LPAR3: variants seen among roughly 807,000 people sequenced by gnomAD.
LPAR3 encodes lysophosphatidic acid receptor 3, also known as LPA receptor 3.
In LPAR3, 7 loss-of-function variants were observed where a neutral mutation model predicts 17.8. The observed-to-expected ratio is 0.39, with a 90% CI of 0.22 to 0.74. LPAR3 has a LOEUF of 0.74. Among genes scored for constraint, LPAR3 ranks in the 30% least tolerant of loss-of-function variants. LPAR3 has a pLI of 0.40. For missense variants in LPAR3, 391 were observed against 453.4 expected (o/e 0.86, Z 1.25); for synonymous variants, 179 against 179.9 (o/e 0.99, Z 0.04).
chr1:84,853,171 T>A (rs1659753647), intron 2 of LPAR3, among the ~76,000 whole-genome samples: 1 of 150,240 alleles, frequency 6.7e-6, no homozygotes, highest in Non-Finnish European at 1.5e-5. Context: ...AGAGCAGTAG[T>A]TAGAAGGGGA....
chr1:84,870,394 G>A (rs562435664), intron 1 of LPAR3, among the ~76,000 whole-genome samples: 18 of 152,264 alleles, frequency 1.2e-4, no homozygotes, highest in African/African-American at 3.9e-4. Context: ...CATATCTACA[G>A]GATCAGTATT....
intron 1 of LPAR3, among the ~76,000 whole-genome samples, chr1:84,885,399 G>A (rs1660441472): frequency 6.6e-6 from 1 of 152,210 alleles, no homozygotes; most frequent in Non-Finnish European, 1.5e-5. Context: ...AGAATGTGGG[G>A]AAAATAGTAC....
chr1:84,876,340 G>T (rs1192612479), intron 1 of LPAR3, among the ~76,000 whole-genome samples: 2 of 152,074 alleles, frequency 1.3e-5, no homozygotes, highest in Non-Finnish European at 2.9e-5. Flanking sequence ...GTATCCTACA[G>T]GGCTGGCCCT....
intron 2 of LPAR3, among the ~76,000 whole-genome samples, chr1:84,844,977 C>A (rs1164779756): frequency 1.3e-5 from 2 of 152,122 alleles, no homozygotes; most frequent in Non-Finnish European, 2.9e-5. Context: ...AAATTACATC[C>A]ACAATAACAA....
At chr1:84,875,519 C>T (rs976343267) in intron 1 of LPAR3, among the ~76,000 whole-genome samples, 7 of 152,210 alleles carry the variant, frequency 4.6e-5, no homozygotes, top group Non-Finnish European at 7.3e-5. Context: ...CTCTCTGTCT[C>T]GCATGCTCGC....
At chr1:84,855,406 C>A (rs1485845759) in intron 2 of LPAR3, among the ~76,000 whole-genome samples, 1 of 152,152 alleles carries the variant, frequency 6.6e-6, no homozygotes, top group Non-Finnish European at 1.5e-5. Flanking sequence ...AGTTCTGGAA[C>A]ATGAAACCTT....
intron 2 of LPAR3, among the ~76,000 whole-genome samples, chr1:84,837,393 G>C (rs972429512): frequency 2.0e-5 from 3 of 152,144 alleles, no homozygotes; most frequent in Admixed American, 2.0e-4. Flanking sequence ...AATTCCCCTA[G>C]GCTAATCCCA....
chr1:84,867,343 G>A (rs934411684), intron 1 of LPAR3, among the ~76,000 whole-genome samples: 1 of 152,188 alleles, frequency 6.6e-6, no homozygotes, highest in Non-Finnish European at 1.5e-5. Context: ...CACTGAGAAT[G>A]AGGCTGCAGC....
chr1:84,814,898 G>C (rs912445009), intron 2 of LPAR3, among the ~76,000 whole-genome samples: 2 of 152,084 alleles, frequency 1.3e-5, no homozygotes, highest in Non-Finnish European at 2.9e-5. Context: ...AATATGAACC[G>C]TAGTCTCTTC....
chr1:84,860,585 T>C (rs1052392053), intron 2 of LPAR3, among the ~76,000 whole-genome samples: 5 of 152,130 alleles, frequency 3.3e-5, no homozygotes, highest in Non-Finnish European at 1.5e-5. Flanking sequence ...CCCCTGTCCA[T>C]CCTTTCCTCT....
chr1:84,867,954 C>A (rs1182288750), intron 1 of LPAR3, among the ~76,000 whole-genome samples: 1 of 152,118 alleles, frequency 6.6e-6, no homozygotes, highest in African/African-American at 2.4e-5. Flanking sequence ...TCCTGTATTT[C>A]ACTTTTATAA....
At chr1:84,892,644 C>G (rs1052974774) in intron 1 of LPAR3, among the ~76,000 whole-genome samples, 5 of 152,212 alleles carry the variant, frequency 3.3e-5, no homozygotes, top group African/African-American at 4.8e-5. Flanking sequence ...TAATCACCAT[C>G]GATGGCAATG....
intron 2 of LPAR3, among the ~76,000 whole-genome samples, chr1:84,819,203 C>T (rs749467944): frequency 6.6e-6 from 1 of 152,208 alleles, no homozygotes; most frequent in African/African-American, 2.4e-5. Flanking sequence ...CTTTTGATGT[C>T]TGGCTTGTTT....
chr1:84,876,851 T>G (rs1402496589), intron 1 of LPAR3, among the ~76,000 whole-genome samples: 1 of 152,218 alleles, frequency 6.6e-6, no homozygotes, highest in Non-Finnish European at 1.5e-5. Context: ...GGGGAATATA[T>G]CACATTCCCA....
chr1:84,892,795 G>GGGGAAAAAGGT (rs1553150747), intron 1 of LPAR3, among the ~76,000 whole-genome samples: 1 of 152,230 alleles, frequency 6.6e-6, no homozygotes, highest in Non-Finnish European at 1.5e-5. Flanking sequence ...TGCTCCTAGC[G>GGGGAAAAAGGT]GGGAAAAAGG....
intron 1 of LPAR3, among the ~76,000 whole-genome samples, chr1:84,873,086 C>G (rs903089094): frequency 6.6e-6 from 1 of 152,108 alleles, no homozygotes; most frequent in African/African-American, 2.4e-5. Context: ...ACCTGAAAAA[C>G]GGTCACAGCC....
intron 2 of LPAR3, among the ~76,000 whole-genome samples, chr1:84,836,245 G>A (rs1048649448): frequency 8.6e-5 from 13 of 150,716 alleles, no homozygotes; most frequent in South Asian, 2.1e-4. Flanking sequence ...GGCTGAGCTG[G>A]GAGGATTGCT....
chr1:84,814,681 G>A (rs1035250035), intron 2 of LPAR3, among the ~76,000 whole-genome samples: 3 of 152,104 alleles, frequency 2.0e-5, no homozygotes, highest in African/African-American at 7.2e-5. Context: ...ATGAGTCTAC[G>A]GCATTCTTCT....
chr1:84,815,285 G>GA (rs2102742720), intron 2 of LPAR3, among the ~76,000 whole-genome samples: 1 of 152,278 alleles, frequency 6.6e-6, no homozygotes, highest in South Asian at 2.1e-4. Flanking sequence ...TGCTTTCGGC[G>GA]AATGTCCTTG....
Sources: allele counts gnomAD v4.1 joint callset (sites outside exome capture counted in the v4.1 genomes callset), GRCh38; gene constraint gnomAD v4.1.1; transcripts MANE v1.5; gene names NCBI Gene and HGNC (gene_info 2026-07-23, HGNC 2026-07-21).